Variants in PTPRG observed in about 807,000 individuals in gnomAD.
PTPRG encodes receptor-type tyrosine-protein phosphatase gamma.
A neutral mutation model predicts 165.3 loss-of-function variants in PTPRG; 102 were observed. The ratio of observed to expected loss-of-function variants is 0.62; its 90% confidence interval spans 0.53 to 0.73. The LOEUF is 0.73. Among genes scored for constraint, PTPRG ranks in the 30% least tolerant of loss-of-function variants. PTPRG has a pLI of 0.00. For missense variants in PTPRG, 1,866 were observed against 1,861.4 expected, an observed-to-expected ratio of 1.00 and a Z score of -0.05; for synonymous variants, 675 against 669.5, an observed-to-expected ratio of 1.01 and a Z score of -0.13.
In PTPRG at chr3:62,265,847, TACACACAC is replaced by T. The variant is rs3046596; in HGVS notation, c.2657-1542_2657-1535del. On this transcript the variant is annotated intron_variant, in intron 17 of 29. Transcript: ENST00000474889. The stretch of plus-strand genomic sequence containing the variant: ...TGTGCCTTATATATACATACATACA[TACACACAC>T]ACACACACACACACACACACGTATA... 3.1e-3 allele frequency among the ~76,000 whole-genome samples: 392 copies of T among 126,940 alleles called. 2 individuals are homozygous for T. The highest frequency in any genetic ancestry group is 8.6e-3 in the African/African-American group (290 of 33,560). The allele number at this position is 126,940 out of a possible 152,430, so 83.3% of individuals were successfully genotyped here.
chr3:61,622,231 G>C (rs190790875), intron 1 of PTPRG, among the ~76,000 whole-genome samples: 1 of 152,224 alleles, frequency 6.6e-6, no homozygotes, highest in African/African-American at 2.4e-5. Flanking sequence ...CTAATTTTTA[G>C]TTGTCAGGTA....
chr3:62,164,753 A>ATG (rs1704902950), intron 7 of PTPRG, among the ~76,000 whole-genome samples: 1 of 152,262 alleles, frequency 6.6e-6, no homozygotes, highest in Admixed American at 6.5e-5. Context: ...CCTCATTTTT[A>ATG]CAGTTATGTG....
chr3:62,178,222 G>A (rs1705509533), intron 8 of PTPRG, among the ~76,000 whole-genome samples: 1 of 152,028 alleles, frequency 6.6e-6, no homozygotes, highest in African/African-American at 2.4e-5. Context: ...AGGATGGATG[G>A]ATGCATGGAT....
At position 62,248,501 on chromosome 3, in the gene PTPRG, A is replaced by G. The variant is rs182970973; in HGVS notation, c.2467+4603A>G. Among the ~76,000 whole-genome samples the G allele has an allele frequency of 2.3e-3, 354 of 152,298 alleles. 4 individuals carry two copies. The highest frequency in any genetic ancestry group is 0.021 in the Admixed American group (320 of 15,290). On this transcript the variant is annotated intron_variant, in intron 15 of 29. Transcript: ENST00000474889. ...GAAGTGGTCACAAAATTCTGTCTTTAAGATCCATAATATTCTTAACACTGA... is the reference window on the plus strand; with the variant it reads ...GAAGTGGTCACAAAATTCTGTCTTTGAGATCCATAATATTCTTAACACTGA...
chr3:62,277,558 A>G lies in PTPRG; in HGVS notation c.3644A>G (p.Tyr1215Cys). 1 of 1,610,858 alleles carries G rather than the reference A, an allele frequency of 6.2e-7. No homozygotes were observed. The change falls in exon 26 of 30, where the codon TAT becomes TGT. Residue 1215 changes from tyrosine to cysteine, a missense_variant. Tyr to Cys is a radical substitution (Grantham distance 194, BLOSUM62 -2). Around this residue, in one of 3 missense-constraint regions of PTPRG, gnomAD observed 1,452 missense variants for 1,463.0 expected, o/e 0.99. Coordinates refer to ENST00000474889, the MANE Select transcript of PTPRG (RefSeq NM_002841.4). ...TTGTCTTCCCAACTGAAGGGCTATT[A>G]TAGGAGCAATGAATTTATTATAACT... is the stretch of plus-strand genomic sequence containing the variant. The part of the protein sequence containing the change: ...YINASYIMGY[Y>C]RSNEFIITQH...
At chr3:62,131,045 C>T (rs144055301) in intron 5 of PTPRG, among the ~76,000 whole-genome samples, 97 of 152,188 alleles carry the variant, frequency 6.4e-4, no homozygotes, top group African/African-American at 1.9e-3. Context: ...TCTGAATTTA[C>T]GCTCTAGACA....
intron 4 of PTPRG, among the ~76,000 whole-genome samples, chr3:62,070,828 G>A (rs1381298647): frequency 2.6e-5 from 4 of 151,376 alleles, no homozygotes; most frequent in South Asian, 2.1e-4. Flanking sequence ...CCACCACCAC[G>A]TTCCCACTGG....
intron 1 of PTPRG, among the ~76,000 whole-genome samples, chr3:61,654,978 G>A (rs944481171): frequency 6.6e-6 from 1 of 151,230 alleles, no homozygotes; most frequent in Non-Finnish European, 1.5e-5. Context: ...GTAGAGACGG[G>A]GTTTCACCAT....
intron 4 of PTPRG, among the ~76,000 whole-genome samples, chr3:62,028,980 G>A (rs1007349850): frequency 6.6e-6 from 1 of 152,140 alleles, no homozygotes; most frequent in South Asian, 2.1e-4. Flanking sequence ...GTCCATCTTG[G>A]GTCAGGTGGT....
intron 4 of PTPRG, among the ~76,000 whole-genome samples, chr3:62,039,588 G>A: frequency 6.6e-6 from 1 of 152,194 alleles, no homozygotes; most frequent in Non-Finnish European, 1.5e-5. Context: ...ATTATTGGTA[G>A]ATCTGAAGGG....
chr3:61,733,118 T>C (rs2032579300), intron 1 of PTPRG, among the ~76,000 whole-genome samples: 2 of 152,226 alleles, frequency 1.3e-5, no homozygotes, highest in African/African-American at 4.8e-5. Flanking sequence ...AAGTACCTAG[T>C]AGTGTTCTTG....
At chr3:61,944,760 T>C (rs142457456) in intron 2 of PTPRG, among the ~76,000 whole-genome samples, 4 of 152,328 alleles carry the variant, frequency 2.6e-5, no homozygotes, top group Admixed American at 2.6e-4. Flanking sequence ...ATAAACTGGC[T>C]CTGGTTCTTT....
intron 7 of PTPRG, among the ~76,000 whole-genome samples, chr3:62,165,826 C>G (rs1389634617): frequency 6.6e-6 from 1 of 152,094 alleles, no homozygotes; most frequent in Non-Finnish European, 1.5e-5. Flanking sequence ...CTTTCTCATG[C>G]AAAGAGAGGG....
At chr3:62,074,359 T>C (rs1701313861) in intron 4 of PTPRG, among the ~76,000 whole-genome samples, 1 of 77,618 alleles carries the variant, frequency 1.3e-5, no homozygotes, top group Non-Finnish European at 3.0e-5. Flanking sequence ...TTTCTTTTTT[T>C]TTTTTTTTTT....
chr3:62,043,127 A>G (rs1230818677), intron 4 of PTPRG, among the ~76,000 whole-genome samples: 1 of 152,218 alleles, frequency 6.6e-6, no homozygotes, highest in African/African-American at 2.4e-5. Flanking sequence ...GGCATGAGAA[A>G]GGCAAAACTC....
rs1473705179 is a variant in PTPRG at position 62,214,960 on chromosome 3, A to G, written c.2156-3891A>G. Reference sequence around the variant, plus strand: ...CATTTGAACCAGGACTGAAGGATCAATAAGATGAATTCTGGCATCAGGAAA... The same window carrying G: ...CATTTGAACCAGGACTGAAGGATCAGTAAGATGAATTCTGGCATCAGGAAA... On this transcript the variant is annotated intron_variant, in intron 12 of 29. Transcript: ENST00000474889. The surrounding 1 kb of genome is among the most constrained non-coding windows in gnomAD (Gnocchi z 5.2). Among the ~76,000 whole-genome samples, 2 of 152,256 alleles carry G rather than the reference A, an allele frequency of 1.3e-5. No individual in the cohort carries two copies. Among genetic ancestry groups the G allele is most frequent in the South Asian group, 2.1e-4 (1 of 4,834 alleles).
At chr3:61,923,352 T>TG (rs2039127090) in intron 2 of PTPRG, among the ~76,000 whole-genome samples, 1 of 152,176 alleles carries the variant, frequency 6.6e-6, no homozygotes, top group South Asian at 2.1e-4. Flanking sequence ...TATCTTTACT[T>TG]GCTCCGTGAA....
intron 5 of PTPRG, among the ~76,000 whole-genome samples, chr3:62,128,771 C>T (rs1321790925): frequency 2.0e-5 from 3 of 150,180 alleles, no homozygotes; most frequent in African/African-American, 7.4e-5. Context: ...GCTAATACAG[C>T]CCTCTTCACT....
In PTPRG at chr3:62,296,436, A is replaced by AAATT. The variant is rs1408495044; in HGVS notation, c.*3132_*3135dup. ...CTTAAATGCATATATACTGTATTTA[A>AAATT]AATTAAAATATAGATACCAATTTAC... is the stretch of plus-strand genomic sequence containing the variant. On this transcript the variant is annotated 3_prime_UTR_variant, in exon 30 of 30. Coordinates refer to ENST00000474889, the MANE Select transcript of PTPRG (RefSeq NM_002841.4). 6.6e-6 allele frequency: 1 copy of AAATT among 151,978 alleles called. No homozygotes were observed. Among genetic ancestry groups the AAATT allele is most frequent in the Non-Finnish European group, 1.5e-5 (1 of 67,958 alleles). The allele number at this position is 151,978 out of a possible 1,614,324, so 9.4% of individuals were successfully genotyped here. A position where few individuals can be genotyped will look rare whatever the true frequency, so the allele number is the denominator to read the frequency against.
Sources: allele counts gnomAD v4.1 joint callset (sites outside exome capture counted in the v4.1 genomes callset), GRCh38; gene constraint gnomAD v4.1.1; regional missense constraint gnomAD v4.1.1; non-coding constraint Gnocchi (gnomAD v3.1); transcripts MANE v1.5; gene names NCBI Gene and HGNC (gene_info 2026-07-23, HGNC 2026-07-21).